The following TTN variants were observed in gnomAD, a reference collection of about 807,000 sequenced individuals.
TTN encodes titin.
Under a neutral mutation model 3,223.0 loss-of-function variants are expected in TTN, and 1,525 were observed. That is an observed-to-expected ratio of 0.47 (90% CI 0.45 to 0.49). The LOEUF (loss-of-function observed/expected upper bound fraction) is 0.49. TTN is among the 20% of genes least tolerant of loss of function. The pLI, the probability that TTN is intolerant of heterozygous loss-of-function variation, is 0.00. For synonymous variants in TTN, 14,094 were observed against 15,161.0 expected (o/e 0.93, Z 5.17); for missense variants, 40,786 against 43,424.0 (o/e 0.94, Z 5.40).
chr2:178,563,593 G>A lies in TTN; in HGVS notation c.82539C>T (p.Gly27513=), dbSNP rs775673876. ...GYILEKRDKE[G]VRWTKCNKKT... ...TCTTGTTGCACTTGGTCCATCTAAC[G>A]CCTTCCTTATCTCGTTTTTCAAGAA... The change falls in exon 326 of 363, where the codon GGC becomes GGT. Residue 27513 remains glycine (G), a synonymous_variant. Coordinates refer to ENST00000589042, the MANE Select transcript of TTN (RefSeq NM_001267550.2). This position sits in a 1 kb window ranked among gnomAD's most constrained non-coding sequence, Gnocchi z 4.5. 15 of 1,613,684 alleles carry A rather than the reference G, an allele frequency of 9.3e-6. No homozygotes were observed. The highest frequency in any genetic ancestry group is 6.7e-5 in the Admixed American group (4 of 59,982).
intron 349 of TTN, 199 bp from the exon 350 acceptor site, chr2:178,541,783 A>G: frequency 3.1e-6 from 1 of 322,882 alleles, no homozygotes; most frequent in Non-Finnish European, 5.1e-6. Flanking sequence ...ATTTTTATTA[A>G]AAATTTTTGA....
rs55865284 is a variant in TTN at position 178,531,086 on chromosome 2, C to T, written c.105529G>A (p.Val35177Met). 3,045 of 1,613,962 alleles carry T rather than the reference C, an allele frequency of 1.9e-3. 47 individuals carry two copies. In the African/African-American group the frequency reaches 0.035, roughly 18 times the overall value. ...QVLSTSARHQ[V>M]TTTKYKSTFE... is the part of the protein sequence containing the mutation. ...GTTGATTTGTACTTTGTGGTGGTCA[C>T]TTGGTGGCGGGCAGAAGTACTTAGC... The change falls in exon 358 of 363, where the codon GTG becomes ATG. Residue 35177 changes from valine to methionine, a missense_variant. Transcript: ENST00000589042.
intron 96 of TTN, 52 bp downstream of exon 96, chr2:178,711,892 A>G (rs1159359730): frequency 7.2e-6 from 11 of 1,519,426 alleles, no homozygotes; most frequent in East Asian, 4.5e-5. Flanking sequence ...GACATTTTAA[A>G]TCTTGTTCAA....
Position 178,565,157 on chromosome 2 carries a change from A to G in TTN, c.80975T>C (p.Ile26992Thr), listed in dbSNP as rs771535559. 3 of 1,613,376 alleles carry G rather than the reference A, an allele frequency of 1.9e-6. No individual in the cohort carries two copies. Among genetic ancestry groups the G allele is most frequent in the African/African-American group, 2.7e-5 (2 of 75,002 alleles). The change falls in exon 326 of 363, where the codon ATA (isoleucine) becomes ACA (threonine). Residue 26992 changes from isoleucine (I) to threonine (T), a missense_variant. Coordinates refer to ENST00000589042, the MANE Select transcript of TTN (RefSeq NM_001267550.2). ...AGTATAGGCTGGAGGTTCCCAAGAT[A>G]TGACTACAAAGTCTGCACTAACTTC... ...FDEVSADFVV[I>T]SWEPPAYTGG...
At chr2:178,625,432 A>G in intron 240 of TTN, 36 bp from the exon 241 acceptor site, 1 of 1,527,568 alleles carries the variant, frequency 6.5e-7, no homozygotes, top group Non-Finnish European at 8.7e-7. Context: ...ATGAAACAGC[A>G]ATCTAGTATA....
chr2:178,705,136 G>T, intron 103 of TTN, 38 bp downstream of exon 103: 1 of 1,599,240 alleles, frequency 6.3e-7, no homozygotes, highest in South Asian at 1.1e-5. Flanking sequence ...TTTTAAATGT[G>T]ACTTTTTTAG....
In TTN at chr2:178,620,812, A is replaced by G. The variant is rs1051419728; in HGVS notation, c.45798T>C (p.Ile15266=). ...LQKDLVYTLR[I]RDAHLDDQAN... Reference sequence around the variant, plus strand: ...CTTGGTCATCTAAGTGTGCATCTCTAATTCTGAGGGTGTAGACTAGGTCTT... The same window carrying G: ...CTTGGTCATCTAAGTGTGCATCTCTGATTCTGAGGGTGTAGACTAGGTCTT... The change falls in exon 247 of 363, where the codon ATT becomes ATC. Residue 15266 remains isoleucine (I), a synonymous_variant. Coordinates refer to ENST00000589042, the MANE Select transcript of TTN (RefSeq NM_001267550.2). 1.2e-6 allele frequency: 2 copies of G among 1,612,756 alleles called. No homozygotes were observed. The highest frequency in any genetic ancestry group is 1.7e-4 in the Middle Eastern group (1 of 6,050).
chr2:178,633,542 G>A lies in TTN; in HGVS notation c.42817C>T (p.Pro14273Ser), dbSNP rs1440872005. Residue 14273 changes from proline (P) to serine (S), a missense_variant, in exon 232 of 363, where the codon CCC becomes TCC. Transcript: ENST00000589042. Reference sequence around the variant, plus strand: ...CCATCTGCCTTGATAGAATATTTGGGTGAAGGGACAATCTCTTCACCATCT... The same window carrying A: ...CCATCTGCCTTGATAGAATATTTGGATGAAGGGACAATCTCTTCACCATCT... ...FKDGEEIVPS[P>S]KYSIKADGLR... 1 of 1,613,342 alleles carries A rather than the reference G, an allele frequency of 6.2e-7. No individual in the cohort carries two copies. The highest frequency in any genetic ancestry group is 1.7e-5 in the Admixed American group (1 of 59,974).
chr2:178,609,477 G>A lies in TTN; in HGVS notation c.51833C>T (p.Thr17278Ile). ...DASISGSPYP[T>I]ITWIKDENVI... ...ATTTTCATCCTTTATCCATGTAATA[G>A]TTGGGTAAGGTGATCCAGAAATACT... is the stretch of plus-strand genomic sequence containing the variant. The change falls in exon 273 of 363, where the codon ACT becomes ATT. Residue 17278 changes from threonine to isoleucine, a missense_variant. Coordinates refer to ENST00000589042, the MANE Select transcript of TTN (RefSeq NM_001267550.2). 3 of 1,612,452 alleles carry A rather than the reference G, an allele frequency of 1.9e-6. No individual in the cohort carries two copies. The highest frequency in any genetic ancestry group is 2.5e-6 in the Non-Finnish European group (3 of 1,179,136).
At position 178,636,520 on chromosome 2, in the gene TTN, G is replaced by A. The variant is rs574135671; in HGVS notation, c.41207C>T (p.Ala13736Val). 56 of 1,613,424 alleles carry A rather than the reference G, an allele frequency of 3.5e-5. No homozygotes were observed. The highest frequency in any genetic ancestry group is 1.1e-5 in the South Asian group (1 of 91,082). The change falls in exon 225 of 363, where the codon GCA (alanine) becomes GTA (valine). Residue 13736 changes from alanine to valine, a missense_variant. Coordinates refer to ENST00000589042, the MANE Select transcript of TTN (RefSeq NM_001267550.2). The surrounding 1 kb of genome is among the most constrained non-coding windows in gnomAD (Gnocchi z 4.3). ...GTGCAGCTTTCTGTCTTTACCATCT[G>A]CAATAAACCTGTGCTTGGGACTCTC... ...IRESPKHRFIADGKDRKLHII... is the reference protein window; with the variant it reads ...IRESPKHRFIVDGKDRKLHII...
intron 132 of TTN, 75 bp downstream of exon 132, chr2:178,684,255 G>GC: frequency 6.8e-7 from 1 of 1,464,262 alleles, no homozygotes; most frequent in Non-Finnish European, 9.4e-7. Flanking sequence ...ACAAAAACCA[G>GC]CCCCCATAAC....
chr2:178,772,205 T>A (rs988386314), intron 33 of TTN, among the ~76,000 whole-genome samples: 1 of 152,198 alleles, frequency 6.6e-6, no homozygotes, highest in East Asian at 1.9e-4. Context: ...TTATATTAAA[T>A]GTATAAAAAT....
At position 178,618,839 on chromosome 2, in the gene TTN, T is replaced by TG; in HGVS notation, c.46710dup (p.Lys15571GlnfsTer4). The TG allele has an allele frequency of 6.2e-7, 1 of 1,609,488 alleles. No individual in the cohort carries two copies. The highest frequency in any genetic ancestry group is 1.3e-5 in the African/African-American group (1 of 74,834). On this transcript the variant is annotated frameshift_variant, in exon 251 of 363. Transcript: ENST00000589042. LOFTEE classifies it high-confidence loss of function. ...ACCACAAGGTCTTGGTCAGCTGTCTTGATTTTTGGTGCAGCTAGTGAGAAA... is the reference window on the plus strand; with the variant it reads ...ACCACAAGGTCTTGGTCAGCTGTCTTGGATTTTTGGTGCAGCTAGTGAGAAA...
chr2:178,789,880 G>A, intron 12 of TTN, 98 bp downstream of exon 12: 1 of 1,526,384 alleles, frequency 6.6e-7, no homozygotes, highest in Non-Finnish European at 9.0e-7. Context: ...ATTTTAAAAG[G>A]CAAATACAGA....
intron 36 of TTN, 50 bp downstream of exon 36, chr2:178,770,010 T>C: frequency 6.2e-7 from 1 of 1,614,168 alleles, no homozygotes; most frequent in Non-Finnish European, 8.5e-7. Context: ...AACAAATAGA[T>C]ACATGGGGTT....
intron 226 of TTN, 39 bp downstream of exon 226, chr2:178,635,924 A>T: frequency 6.5e-7 from 1 of 1,543,104 alleles, no homozygotes; most frequent in Non-Finnish European, 8.7e-7. Context: ...TTCTTAGTGT[A>T]ACAATAAGCA....
rs1311227856 is a variant in TTN, at chr2:178,777,411, T to C, written c.4645+9A>G. 3.1e-6 allele frequency: 5 copies of C among 1,612,792 alleles called. No homozygotes were observed. The highest frequency in any genetic ancestry group is 4.2e-6 in the Non-Finnish European group (5 of 1,179,456). On this transcript the variant is annotated intron_variant, in intron 26 of 362. Coordinates refer to ENST00000589042, the MANE Select transcript of TTN (RefSeq NM_001267550.2). ...AAAATTCATTTATTTTTATTTTATC[T>C]CATTTTACCTTCCACAGTTAAAATC...
rs376737897 is a variant in TTN at position 178,799,502 on chromosome 2, G to T, written c.899C>A (p.Thr300Asn). The T allele has an allele frequency of 6.8e-5, 109 of 1,614,028 alleles. No homozygotes were observed. The highest frequency in any genetic ancestry group is 8.5e-5 in the Non-Finnish European group (100 of 1,180,028). Reference protein sequence around the residue: ...PSPVRHVRAPTPSPVRSVSPA... With the variant: ...PSPVRHVRAPNPSPVRSVSPA... ...GCAGCTTTACCTGACCGGAGATGGG[G>T]TCGGTGCCCGCACGTGTCTGACCGG... Residue 300 changes from threonine to asparagine, a missense_variant, in exon 6 of 363, where the codon ACC (threonine) becomes AAC (asparagine). Thr to Asn is a moderately conservative substitution (Grantham distance 65). Transcript: ENST00000589042.
At chr2:178,664,155 C>T in intron 168 of TTN, 57 bp from the exon 169 acceptor site, 1 of 1,493,906 alleles carries the variant, frequency 6.7e-7, no homozygotes, top group Non-Finnish European at 9.1e-7. Context: ...TAGATAGATA[C>T]AAAGACATTT....
Sources: gnomAD v4.1 joint callset for allele counts (sites outside exome capture counted in the v4.1 genomes callset) on GRCh38, gnomAD v4.1.1 for gene constraint, Gnocchi (gnomAD v3.1) non-coding constraint, MANE v1.5 for transcripts, NCBI Gene and HGNC (gene_info 2026-07-23, HGNC 2026-07-21) for gene names.